Variants in FRS2 observed in about 807,000 individuals in gnomAD.
FRS2 encodes FGFR signalling adaptor.
Under a neutral mutation model 43.9 loss-of-function variants are expected in FRS2, and 8 were observed. The observed-to-expected ratio is 0.18, with a 90% CI of 0.11 to 0.33. The LOEUF is 0.33. FRS2 is among the 10% of genes least tolerant of loss of function. FRS2 has a pLI of 1.00. For missense variants in FRS2, 534 were observed against 627.6 expected (o/e 0.85, Z 1.59); for synonymous variants, 219 against 220.3 (o/e 0.99, Z 0.05).
chr12:69,542,914 A>G (rs1293186066), intron 3 of FRS2, among the ~76,000 whole-genome samples: 1 of 152,222 alleles, frequency 6.6e-6, no homozygotes, highest in African/African-American at 2.4e-5. Flanking sequence ...TGGAGGAAAT[A>G]ATGTGGCTTG....
intron 3 of FRS2, among the ~76,000 whole-genome samples, chr12:69,560,092 T>G (rs991949701): frequency 2.0e-5 from 3 of 152,162 alleles, no homozygotes; most frequent in Non-Finnish European, 2.9e-5. Flanking sequence ...AGAATCATAT[T>G]TGGAATAATT....
intron 3 of FRS2, among the ~76,000 whole-genome samples, chr12:69,549,435 T>G (rs1326938809): frequency 1.1e-5 from 1 of 92,676 alleles, no homozygotes; most frequent in Non-Finnish European, 2.0e-5. Context: ...TTATTTCAAT[T>G]GAAAAAAAAG....
chr12:69,537,299 T>G (rs983549275), intron 3 of FRS2, among the ~76,000 whole-genome samples: 1 of 151,512 alleles, frequency 6.6e-6, no homozygotes, highest in Admixed American at 6.6e-5. Context: ...TCTTGGCTTA[T>G]TGTTCCTTTT....
Position 69,562,172 on chromosome 12 carries a change from G to C in FRS2, c.-121-8G>C, listed in dbSNP as rs1424871721. ...GAGAAATTCTCAATGTTTTTCTTCT[G>C]TTTTTAGGTTAAATCAGCAAACAAA... On this transcript the variant is annotated splice_polypyrimidine_tract_variant and splice_region_variant and intron_variant, in intron 3 of 8. Coordinates refer to ENST00000549921, the MANE Select transcript of FRS2 (RefSeq NM_001278356.2). 2.5e-6 allele frequency: 1 copy of C among 397,766 alleles called. No homozygotes were observed. The highest frequency in any genetic ancestry group is 4.4e-6 in the Non-Finnish European group (1 of 225,702). 24.6% of individuals were successfully genotyped at this position (397,766 alleles called of 1,614,324 possible).
At chr12:69,552,381 A>T (rs1242231222) in intron 3 of FRS2, among the ~76,000 whole-genome samples, 1 of 152,098 alleles carries the variant, frequency 6.6e-6, no homozygotes, top group African/African-American at 2.4e-5. Flanking sequence ...TATTCAAAAT[A>T]ACAACAATAA....
chr12:69,482,440 C>T (rs1871430683), intron 1 of FRS2, among the ~76,000 whole-genome samples: 1 of 152,138 alleles, frequency 6.6e-6, no homozygotes. Flanking sequence ...AACCCTCTAC[C>T]TCCCATTCCC....
intron 1 of FRS2, among the ~76,000 whole-genome samples, chr12:69,512,530 A>G (rs1379218485): frequency 1.3e-5 from 2 of 152,196 alleles, no homozygotes; most frequent in African/African-American, 4.8e-5. Flanking sequence ...GGATTGTGGT[A>G]TCTTTATAAG....
intron 3 of FRS2, among the ~76,000 whole-genome samples, chr12:69,544,706 G>A (rs532368313): frequency 6.6e-6 from 1 of 151,240 alleles, no homozygotes; most frequent in African/African-American, 2.4e-5. Flanking sequence ...CTCCATCTCG[G>A]AAAAAAAATT....
chr12:69,516,578 G>A (rs1179244224), intron 1 of FRS2, among the ~76,000 whole-genome samples: 1 of 152,164 alleles, frequency 6.6e-6, no homozygotes, highest in Non-Finnish European at 1.5e-5. Flanking sequence ...CTGAATGTGG[G>A]CTGGGTGCTA....
At chr12:69,475,997 C>A (rs982500777) in intron 1 of FRS2, among the ~76,000 whole-genome samples, 6 of 152,074 alleles carry the variant, frequency 3.9e-5, no homozygotes, top group African/African-American at 1.4e-4. Flanking sequence ...ATGTCCTTGG[C>A]AGAATAAAAG....
intron 1 of FRS2, among the ~76,000 whole-genome samples, chr12:69,475,146 T>G (rs1870653361): frequency 6.6e-6 from 1 of 152,236 alleles, no homozygotes; most frequent in South Asian, 2.1e-4. Context: ...AACTTGAGTA[T>G]TAATGTGTAA....
At chr12:69,520,844 T>C (rs958968219) in intron 1 of FRS2, among the ~76,000 whole-genome samples, 1 of 152,232 alleles carries the variant, frequency 6.6e-6, no homozygotes, top group African/African-American at 2.4e-5. Flanking sequence ...TGAAGTCAGG[T>C]AGCATGATGG....
chr12:69,535,309 A>G (rs914407144), intron 3 of FRS2, among the ~76,000 whole-genome samples: 2 of 152,234 alleles, frequency 1.3e-5, no homozygotes, highest in African/African-American at 4.8e-5. Flanking sequence ...ACAGGCGTTG[A>G]TGTAGATACT....
chr12:69,529,798 G>A (rs1046364481), intron 1 of FRS2, among the ~76,000 whole-genome samples: 11 of 151,960 alleles, frequency 7.2e-5, no homozygotes, highest in East Asian at 1.9e-4. Context: ...GGCAGCTCAC[G>A]CCTGTAATTC....
intron 3 of FRS2, among the ~76,000 whole-genome samples, chr12:69,536,016 G>GT (rs913957443): frequency 2.7e-4 from 38 of 140,760 alleles, no homozygotes; most frequent in South Asian, 2.3e-4. Flanking sequence ...TAGCCTTACA[G>GT]TTTTTTTTTA....
intron 3 of FRS2, among the ~76,000 whole-genome samples, chr12:69,546,092 C>G (rs532111118): frequency 6.6e-6 from 1 of 152,052 alleles, no homozygotes; most frequent in Non-Finnish European, 1.5e-5. Context: ...TTCTGAAACT[C>G]AAAACCAAAA....
intron 1 of FRS2, among the ~76,000 whole-genome samples, chr12:69,477,574 G>A (rs926473190): frequency 1.7e-4 from 25 of 151,280 alleles, no homozygotes; most frequent in Admixed American, 7.2e-4. Context: ...GAGCCACCGC[G>A]CCCGGCCTAA....
At chr12:69,529,737 G>A (rs778328352) in intron 1 of FRS2, among the ~76,000 whole-genome samples, 1 of 152,046 alleles carries the variant, frequency 6.6e-6, no homozygotes, top group Non-Finnish European at 1.5e-5. Context: ...AACACTTATA[G>A]CATGGAATTC....
chr12:69,479,236 C>T (rs1208688387), intron 1 of FRS2, among the ~76,000 whole-genome samples: 1 of 152,044 alleles, frequency 6.6e-6, no homozygotes, highest in Admixed American at 6.5e-5. Flanking sequence ...TTCTTAGTCT[C>T]ATTCCTGAAA....
Sources: gnomAD v4.1 joint callset for allele counts (sites outside exome capture counted in the v4.1 genomes callset) on GRCh38, gnomAD v4.1.1 for gene constraint, MANE v1.5 for transcripts, NCBI Gene and HGNC (gene_info 2026-07-23, HGNC 2026-07-21) for gene names.